The following ADAM12 variants were observed in gnomAD, a reference collection of about 807,000 sequenced individuals.
The protein encoded by ADAM12 is ADAM metallopeptidase domain 12.
In ADAM12, 70 loss-of-function variants were observed where a neutral mutation model predicts 106.4. That is an observed-to-expected ratio of 0.66 (90% CI 0.54 to 0.80). ADAM12 has a LOEUF of 0.80. Ranked by LOEUF, ADAM12 falls within the 30% of genes least tolerant of loss-of-function variation. The pLI, the probability that ADAM12 is intolerant of heterozygous loss-of-function variation, is 0.00. For synonymous variants in ADAM12, 420 were observed against 433.5 expected (o/e 0.97, Z 0.39); for missense variants, 1,010 against 1,171.9 (o/e 0.86, Z 2.02).
chr10:126,065,010 A>G lies in ADAM12; in HGVS notation c.1414-9T>C. ...GTTCCTGCAGGCTTCAGCTGGAAGG[A>G]GAGGGCCATTTATGACACATGCACC... On this transcript the variant is annotated splice_polypyrimidine_tract_variant and intron_variant, in intron 13 of 22. Transcript: ENST00000448723. 1 of 1,605,326 alleles carries G rather than the reference A, an allele frequency of 6.2e-7. No individual in the cohort carries two copies.
chr10:126,073,468 C>A (rs1430585732), intron 11 of ADAM12, among the ~76,000 whole-genome samples: 1 of 151,982 alleles, frequency 6.6e-6, no homozygotes, highest in African/African-American at 2.4e-5. Flanking sequence ...TGCATGTTAG[C>A]GAGGTTTGGT....
intron 3 of ADAM12, among the ~76,000 whole-genome samples, chr10:126,240,265 C>T (rs189079771): frequency 1.3e-5 from 2 of 152,346 alleles, no homozygotes; most frequent in East Asian, 3.9e-4. Context: ...TTAAAATATT[C>T]ATTCCACAGC....
At chr10:126,091,612 A>G (rs11244805) in intron 11 of ADAM12, among the ~76,000 whole-genome samples, 223 of 24,174 alleles carry the variant, frequency 9.2e-3, no homozygotes, top group African/African-American at 0.014. Flanking sequence ...GTAATGGGGG[A>G]AAAAAAAGCC....
At chr10:126,265,513 C>A (rs982626747) in intron 3 of ADAM12, among the ~76,000 whole-genome samples, 1 of 152,126 alleles carries the variant, frequency 6.6e-6, no homozygotes, top group African/African-American at 2.4e-5. Flanking sequence ...CAAAACAAGA[C>A]AATCAGAGGT....
chr10:126,314,425 C>T (rs530706069), intron 2 of ADAM12, among the ~76,000 whole-genome samples: 1 of 152,222 alleles, frequency 6.6e-6, no homozygotes, highest in Non-Finnish European at 1.5e-5. Flanking sequence ...GGCTGCAGGC[C>T]AACGTCTGGC....
intron 1 of ADAM12, among the ~76,000 whole-genome samples, chr10:126,340,072 C>G (rs1590801428): frequency 6.6e-6 from 1 of 152,014 alleles, no homozygotes; most frequent in Non-Finnish European, 1.5e-5. Context: ...CCAGCATGGT[C>G]TTGATCTCTT....
intron 4 of ADAM12, among the ~76,000 whole-genome samples, chr10:126,137,251 G>A (rs1956421899): frequency 6.6e-6 from 1 of 152,022 alleles, no homozygotes; most frequent in Non-Finnish European, 1.5e-5. Flanking sequence ...TGCCACTTTT[G>A]TACTCTCTGT....
chr10:126,358,352 A>T (rs758834896), intron 1 of ADAM12, among the ~76,000 whole-genome samples: 1 of 152,210 alleles, frequency 6.6e-6, no homozygotes, highest in Non-Finnish European at 1.5e-5. Context: ...CAGACAAATC[A>T]ATAAATGTGA....
intron 1 of ADAM12, among the ~76,000 whole-genome samples, chr10:126,353,902 C>A (rs892360790): frequency 6.6e-6 from 1 of 152,196 alleles, no homozygotes; most frequent in Non-Finnish European, 1.5e-5. Context: ...TACCCTTTTA[C>A]AAGTCTACAA....
intron 1 of ADAM12, among the ~76,000 whole-genome samples, chr10:126,376,156 A>C (rs1429934660): frequency 6.6e-6 from 1 of 152,192 alleles, no homozygotes; most frequent in Non-Finnish European, 1.5e-5. Flanking sequence ...TTACCCTTTC[A>C]GGTGATTATT....
chr10:126,182,805 TG>T (rs1957337209), intron 3 of ADAM12, among the ~76,000 whole-genome samples: 2 of 152,208 alleles, frequency 1.3e-5, no homozygotes, highest in South Asian at 4.1e-4. Flanking sequence ...CTCGGGACTA[TG>T]GGGATTTACA....
intron 1 of ADAM12, among the ~76,000 whole-genome samples, chr10:126,363,374 C>CAAA (rs946679829): frequency 1.3e-5 from 2 of 151,924 alleles, no homozygotes; most frequent in East Asian, 3.9e-4. Context: ...TTTACTGTCC[C>CAAA]AAAAAACACA....
intron 5 of ADAM12, among the ~76,000 whole-genome samples, chr10:126,131,190 G>T (rs140021175): frequency 6.9e-6 from 1 of 145,604 alleles, no homozygotes; most frequent in Non-Finnish European, 1.5e-5. Context: ...TCCCTGCCTC[G>T]GGGACCCTGG....
chr10:126,046,883 G>T (rs1195992336), intron 16 of ADAM12, among the ~76,000 whole-genome samples: 1 of 146,960 alleles, frequency 6.8e-6, no homozygotes, highest in East Asian at 2.0e-4. Flanking sequence ...GATAGACATA[G>T]ATGGAGACTC....
chr10:126,189,864 G>A (rs756225880), intron 3 of ADAM12, among the ~76,000 whole-genome samples: 8 of 152,070 alleles, frequency 5.3e-5, no homozygotes, highest in East Asian at 3.9e-4. Context: ...ACGGCATTGC[G>A]GTAATCCCCA....
intron 3 of ADAM12, among the ~76,000 whole-genome samples, chr10:126,194,082 A>G (rs1000149413): frequency 1.3e-5 from 2 of 152,196 alleles, no homozygotes; most frequent in Non-Finnish European, 2.9e-5. Context: ...TGAAATGAAG[A>G]GAGCACCATT....
chr10:126,153,220 T>C (rs1036916917), intron 4 of ADAM12, among the ~76,000 whole-genome samples: 1 of 152,242 alleles, frequency 6.6e-6, no homozygotes, highest in Non-Finnish European at 1.5e-5. Context: ...GACAATAATT[T>C]TCCCTTAGCT....
intron 2 of ADAM12, among the ~76,000 whole-genome samples, chr10:126,320,864 G>A (rs891332351): frequency 2.6e-5 from 4 of 152,136 alleles, no homozygotes; most frequent in African/African-American, 7.2e-5. Flanking sequence ...GTGAAAAATG[G>A]GGAACCAAGG....
At chr10:126,288,009 C>A (rs114145380) in intron 2 of ADAM12, among the ~76,000 whole-genome samples, 2,511 of 151,494 alleles carry the variant, frequency 0.017, 67 homozygotes, top group African/African-American at 0.057. Context: ...GCAGGAGGAA[C>A]ACTAACTGGG....
Sources: gnomAD v4.1 joint callset for allele counts (sites outside exome capture counted in the v4.1 genomes callset) on GRCh38, gnomAD v4.1.1 for gene constraint, MANE v1.5 for transcripts, NCBI Gene and HGNC (gene_info 2026-07-23, HGNC 2026-07-21) for gene names.